SDHAF3: variants seen among roughly 807,000 people sequenced by gnomAD.
SDHAF3 encodes succinate dehydrogenase assembly factor 3, mitochondrial.
SDHAF3 carries 18 observed loss-of-function variants against 11.5 expected under a neutral mutation model. The observed-to-expected ratio is 1.56, with a 90% CI of 1.08 to 2.32. The LOEUF (loss-of-function observed/expected upper bound fraction) is 2.32. SDHAF3 is among the 30% of genes most tolerant of loss of function. SDHAF3 has a pLI of 0.00. For synonymous variants in SDHAF3, 72 were observed against 59.3 expected (o/e 1.21, Z -0.99); for missense variants, 200 against 154.4 (o/e 1.30, Z -1.57).
intron 1 of SDHAF3, chr7:97,135,316 T>A (rs1366238069): frequency 2.0e-5 from 3 of 152,122 alleles, no homozygotes; most frequent in Non-Finnish European, 4.4e-5. Flanking sequence ...GCAGTGATAG[T>A]TTGTGGACAT....
At chr7:97,175,260 A>T (rs1789663433) in intron 1 of SDHAF3, among the ~76,000 whole-genome samples, 1 of 152,220 alleles carries the variant, frequency 6.6e-6, no homozygotes, top group Admixed American at 6.5e-5. Flanking sequence ...TAATGTTATT[A>T]AACTGACACT....
At chr7:97,137,868 CTTTTT>C (rs11381462) in intron 1 of SDHAF3, among the ~76,000 whole-genome samples, 1 of 69,108 alleles carries the variant, frequency 1.4e-5, no homozygotes, top group African/African-American at 6.1e-5. Flanking sequence ...ATTCCATTCG[CTTTTT>C]TTTTTTTTTT....
At chr7:97,178,954 A>G (rs1378722086) in intron 1 of SDHAF3, among the ~76,000 whole-genome samples, 1 of 152,090 alleles carries the variant, frequency 6.6e-6, no homozygotes, top group African/African-American at 2.4e-5. Context: ...TTCTTCTAGG[A>G]TTCTCATGAT....
chr7:97,117,952 G>C (rs1414426662), intron 1 of SDHAF3, 55 bp downstream of exon 1: 14 of 1,588,730 alleles, frequency 8.8e-6, no homozygotes, highest in Non-Finnish European at 1.2e-5. Flanking sequence ...TCGGTGTCCA[G>C]GTTTCTAGTT....
At chr7:97,139,044 G>A (rs1788981369) in intron 1 of SDHAF3, among the ~76,000 whole-genome samples, 1 of 152,250 alleles carries the variant, frequency 6.6e-6, no homozygotes, top group Admixed American at 6.5e-5. Flanking sequence ...GCTCCCAGCA[G>A]TGCCTCGAGG....
intron 1 of SDHAF3, among the ~76,000 whole-genome samples, chr7:97,170,582 A>G (rs543049842): frequency 1.3e-5 from 2 of 152,232 alleles, no homozygotes; most frequent in African/African-American, 2.4e-5. Flanking sequence ...GTAGACAAAT[A>G]TAAAGAATAT....
chr7:97,161,169 T>A (rs1584228469), intron 1 of SDHAF3, among the ~76,000 whole-genome samples: 1 of 152,342 alleles, frequency 6.6e-6, no homozygotes. Flanking sequence ...TGCCAGTGTT[T>A]ATTTTGCCTG....
chr7:97,168,813 A>G (rs1440444833), intron 1 of SDHAF3, among the ~76,000 whole-genome samples: 1 of 152,194 alleles, frequency 6.6e-6, no homozygotes, highest in Non-Finnish European at 1.5e-5. Flanking sequence ...TTTAGCCTAT[A>G]AATAAATATC....
intron 1 of SDHAF3, chr7:97,136,431 T>C: frequency 1.6e-6 from 1 of 645,078 alleles, no homozygotes; most frequent in Non-Finnish European, 2.9e-6. Flanking sequence ...AAAGAAAATT[T>C]CTGTTTCATG....
intron 1 of SDHAF3, among the ~76,000 whole-genome samples, chr7:97,122,352 A>G (rs1791514827): frequency 6.6e-6 from 1 of 152,236 alleles, no homozygotes; most frequent in Non-Finnish European, 1.5e-5. Context: ...TAGAAAGATC[A>G]TGTTAGCAGC....
At chr7:97,142,210 C>T (rs528232807) in intron 1 of SDHAF3, among the ~76,000 whole-genome samples, 6 of 151,684 alleles carry the variant, frequency 4.0e-5, no homozygotes, top group Non-Finnish European at 5.9e-5. Flanking sequence ...CATACCACCA[C>T]GCCTAGCTAA....
intron 1 of SDHAF3, among the ~76,000 whole-genome samples, chr7:97,155,536 C>A (rs1199628834): frequency 6.6e-6 from 1 of 152,150 alleles, no homozygotes; most frequent in Non-Finnish European, 1.5e-5. Flanking sequence ...TTGTTCATTT[C>A]TATTTATGGC....
intron 1 of SDHAF3, among the ~76,000 whole-genome samples, chr7:97,140,472 A>C (rs1166781799): frequency 6.6e-6 from 1 of 150,932 alleles, no homozygotes; most frequent in Non-Finnish European, 1.5e-5. Context: ...CAGCCTCCTG[A>C]GTAGCTGGGA....
At chr7:97,148,888 A>G (rs1562825480) in intron 1 of SDHAF3, among the ~76,000 whole-genome samples, 1 of 151,636 alleles carries the variant, frequency 6.6e-6, no homozygotes, top group African/African-American at 2.4e-5. Flanking sequence ...ATGTACAGTA[A>G]TTTAAAAAGT....
Position 97,181,017 on chromosome 7 carries a change from T to G in SDHAF3, c.180T>G (p.Tyr60Ter). 6.2e-7 allele frequency: 1 copy of G among 1,613,476 alleles called. No homozygotes were observed. Among genetic ancestry groups the G allele is most frequent in the Admixed American group, 1.7e-5 (1 of 59,962 alleles). ...TTCATTCTTTATCTTTTTAGGTGTA[T>G]GCAACAGCGTTATTGCAACAGGCTA... ...AQRFLQEWEVYATALLQQANE... is the reference protein window; with the variant it reads ...AQRFLQEWEV Residue 60 changes from tyrosine to a stop codon, truncating the protein, a stop_gained, in exon 2 of 2, where the codon TAT becomes TAG. Transcript: ENST00000432641. LOFTEE classifies it high-confidence loss of function.
At chr7:97,143,701 A>G (rs893823301) in intron 1 of SDHAF3, among the ~76,000 whole-genome samples, 13 of 136,004 alleles carry the variant, frequency 9.6e-5, no homozygotes, top group Admixed American at 3.6e-4. Context: ...GTGTGTGTGT[A>G]TACCAGTTTC....
chr7:97,164,110 G>GT (rs997626673), intron 1 of SDHAF3, among the ~76,000 whole-genome samples: 11 of 151,238 alleles, frequency 7.3e-5, no homozygotes, highest in African/African-American at 2.4e-4. Context: ...ATGCCTGGCT[G>GT]TTTTTTTTAT....
chr7:97,161,751 C>T (rs1438148996), intron 1 of SDHAF3, among the ~76,000 whole-genome samples: 4 of 152,118 alleles, frequency 2.6e-5, no homozygotes, highest in African/African-American at 9.7e-5. Context: ...CATGCCCCTG[C>T]GAAGGACATA....
At chr7:97,169,490 A>G (rs1298954086) in intron 1 of SDHAF3, among the ~76,000 whole-genome samples, 1 of 152,190 alleles carries the variant, frequency 6.6e-6, no homozygotes, top group Non-Finnish European at 1.5e-5. Context: ...GCAGATTGCT[A>G]TACATTTTTT....
Sources: gnomAD v4.1 joint callset for allele counts (sites outside exome capture counted in the v4.1 genomes callset) on GRCh38, gnomAD v4.1.1 for gene constraint, MANE v1.5 for transcripts, NCBI Gene and HGNC (gene_info 2026-07-23, HGNC 2026-07-21) for gene names.